Variants in TSPAN9 observed in about 807,000 individuals in gnomAD.
The protein encoded by TSPAN9 is tetraspanin 9.
Under a neutral mutation model 31.0 loss-of-function variants are expected in TSPAN9, and 16 were observed. The observed-to-expected ratio is 0.52, with a 90% CI of 0.35 to 0.78. The LOEUF (loss-of-function observed/expected upper bound fraction) is 0.78. Among genes scored for constraint, TSPAN9 ranks in the 30% least tolerant of loss-of-function variants. The pLI, the probability that TSPAN9 is intolerant of heterozygous loss-of-function variation, is 0.01. For missense variants in TSPAN9, 272 were observed against 312.5 expected, an observed-to-expected ratio of 0.87 and a Z score of 0.98; for synonymous variants, 145 against 121.6, an observed-to-expected ratio of 1.19 and a Z score of -1.27.
chr12:3,137,037 C>T (rs1565588874), intron 2 of TSPAN9, among the ~76,000 whole-genome samples: 2 of 152,212 alleles, frequency 1.3e-5, no homozygotes, highest in Non-Finnish European at 2.9e-5. Context: ...GTGGAGCTAC[C>T]ACTGCTACTC....
intron 2 of TSPAN9, among the ~76,000 whole-genome samples, chr12:3,155,557 C>T (rs553098005): frequency 2.0e-4 from 31 of 151,836 alleles, no homozygotes; most frequent in Non-Finnish European, 3.1e-4. Context: ...CATGATTATG[C>T]CACTGTGGCC....
At chr12:3,154,010 ATGTGTGTGTGTG>A (rs56928697) in intron 2 of TSPAN9, among the ~76,000 whole-genome samples, 7 of 147,976 alleles carry the variant, frequency 4.7e-5, no homozygotes, top group African/African-American at 7.5e-5. Context: ...TTATATATAT[ATGTGTGTGTGTG>A]TGTGTGTGTG....
intron 2 of TSPAN9, among the ~76,000 whole-genome samples, chr12:3,184,614 C>A (rs1231157846): frequency 6.6e-6 from 1 of 152,132 alleles, no homozygotes; most frequent in Non-Finnish European, 1.5e-5. Context: ...GTCTGGATTT[C>A]CTTCCTCTTT....
At chr12:3,221,772 C>T (rs1269058124) in intron 3 of TSPAN9, among the ~76,000 whole-genome samples, 1 of 152,218 alleles carries the variant, frequency 6.6e-6, no homozygotes, top group Non-Finnish European at 1.5e-5. Flanking sequence ...ACTCCTGCCT[C>T]AGTCTCCTAA....
At chr12:3,197,155 G>A (rs985570541) in intron 2 of TSPAN9, among the ~76,000 whole-genome samples, 1 of 152,192 alleles carries the variant, frequency 6.6e-6, no homozygotes, top group Admixed American at 6.5e-5. Flanking sequence ...GCTCAGAAAA[G>A]CAAACTGCCT....
At chr12:3,275,800 C>G (rs1862773909) in intron 3 of TSPAN9, among the ~76,000 whole-genome samples, 1 of 152,252 alleles carries the variant, frequency 6.6e-6, no homozygotes, top group Non-Finnish European at 1.5e-5. Context: ...GTGAAGGACC[C>G]AGGCAGCTGC....
At chr12:3,228,995 G>A (rs1332582394) in intron 3 of TSPAN9, among the ~76,000 whole-genome samples, 1 of 152,154 alleles carries the variant, frequency 6.6e-6, no homozygotes, top group African/African-American at 2.4e-5. Flanking sequence ...TCTCTCATAA[G>A]GATGTTCCTG....
chr12:3,084,830 C>T (rs527712924), intron 2 of TSPAN9, among the ~76,000 whole-genome samples: 71 of 152,362 alleles, frequency 4.7e-4, no homozygotes, highest in African/African-American at 1.6e-3. Context: ...TATGACCCTG[C>T]AGCGCCTGCC....
chr12:3,254,568 CTGA>C (rs929826735), intron 3 of TSPAN9, among the ~76,000 whole-genome samples: 13 of 152,154 alleles, frequency 8.5e-5, no homozygotes, highest in African/African-American at 2.7e-4. Flanking sequence ...CTTGTCCGTT[CTGA>C]TGATGATGAT....
chr12:3,182,376 A>C (rs1404128486), intron 2 of TSPAN9, among the ~76,000 whole-genome samples: 1 of 151,904 alleles, frequency 6.6e-6, no homozygotes, highest in Non-Finnish European at 1.5e-5. Flanking sequence ...TGGGGCCCAC[A>C]GCCTCCTCTG....
intron 2 of TSPAN9, among the ~76,000 whole-genome samples, chr12:3,104,697 C>T (rs1002574656): frequency 3.9e-5 from 6 of 152,106 alleles, no homozygotes; most frequent in South Asian, 2.1e-4. Context: ...GTGCCTGGCT[C>T]GGTGCAGACT....
chr12:3,159,719 A>G lies in TSPAN9; in HGVS notation c.-17-41458A>G, dbSNP rs1322443557. On this transcript the variant is annotated intron_variant, in intron 2 of 8. Coordinates refer to ENST00000011898, the MANE Select transcript of TSPAN9 (RefSeq NM_006675.5). ...CCTCATCTCAATTAAGAAACTGTAT[A>G]TATAGAGAGAGGATATTAAGATAGA... Among the ~76,000 whole-genome samples the G allele has an allele frequency of 3.9e-5, 6 of 152,184 alleles. 1 individual carries two copies. In the South Asian group the frequency reaches 6.2e-4, roughly 16 times the overall value.
chr12:3,248,007 C>T (rs1488653256), intron 3 of TSPAN9, among the ~76,000 whole-genome samples: 3 of 152,218 alleles, frequency 2.0e-5, no homozygotes, highest in Admixed American at 1.3e-4. Flanking sequence ...GCATCTTAAT[C>T]AAATGACAGA....
In TSPAN9 at chr12:3,083,734, G is replaced by C. The variant is rs559159067; in HGVS notation, c.-18+15G>C. 5 of 152,316 alleles carry C rather than the reference G, an allele frequency of 3.3e-5. No individual in the cohort carries two copies. The East Asian group carries it at 9.7e-4, about 29-fold the overall frequency. The allele number at this position is 152,316 out of a possible 1,614,324, so 9.4% of individuals were successfully genotyped here. A position where few individuals can be genotyped will look rare whatever the true frequency, so the allele number is the denominator to read the frequency against. On this transcript the variant is annotated intron_variant, in intron 2 of 8. Coordinates refer to ENST00000011898, the MANE Select transcript of TSPAN9 (RefSeq NM_006675.5). ...AGAGAGAACAGGTCAGTGTTGGTCCGGGTCCATTGTGGGGTAGGGCCTCTG... is the reference window on the plus strand; with the variant it reads ...AGAGAGAACAGGTCAGTGTTGGTCCCGGTCCATTGTGGGGTAGGGCCTCTG...
rs2098295584 is a variant in TSPAN9 at position 3,077,408 on chromosome 12, T to TGCCGGA, written c.-127_-122dup. ...CCGCTGGCGGCGGCGGCGGCGGCGGTGCCGGAGCGCGAGCAGAGCGGAGAC... is the reference window on the plus strand; with the variant it reads ...CCGCTGGCGGCGGCGGCGGCGGCGGTGCCGGAGCCGGAGCGCGAGCAGAGCGGAGAC... On this transcript the variant is annotated 5_prime_UTR_variant, in exon 1 of 9. Coordinates refer to ENST00000011898, the MANE Select transcript of TSPAN9 (RefSeq NM_006675.5). The TGCCGGA allele has an allele frequency of 7.0e-6, 1 of 142,558 alleles. No homozygotes were observed. Among genetic ancestry groups the TGCCGGA allele is most frequent in the Non-Finnish European group, 1.5e-5 (1 of 65,176 alleles). 8.8% of individuals were successfully genotyped at this position (142,558 alleles called of 1,614,324 possible).
At chr12:3,118,037 T>C (rs6489439) in intron 2 of TSPAN9, among the ~76,000 whole-genome samples, 48,327 of 151,800 alleles carry the variant, frequency 0.32, 7,911 homozygotes, top group Middle Eastern at 0.45. Context: ...CCTGCCACTC[T>C]CCAGTTATGT....
intron 2 of TSPAN9, among the ~76,000 whole-genome samples, chr12:3,117,924 G>C (rs2098323175): frequency 6.6e-6 from 1 of 152,114 alleles, no homozygotes; most frequent in Non-Finnish European, 1.5e-5. Flanking sequence ...TGTCACCTCA[G>C]GGCTGGGAGG....
chr12:3,257,411 G>GA (rs536330590), intron 3 of TSPAN9, among the ~76,000 whole-genome samples: 254 of 151,990 alleles, frequency 1.7e-3, no homozygotes, highest in African/African-American at 5.5e-3. Flanking sequence ...GGGTTTCTTG[G>GA]AACCTCTTCT....
intron 2 of TSPAN9, among the ~76,000 whole-genome samples, chr12:3,156,728 G>A (rs956308921): frequency 5.3e-5 from 8 of 152,180 alleles, no homozygotes; most frequent in African/African-American, 1.7e-4. Flanking sequence ...GGCTGGTCAC[G>A]AGCTGCTGAC....
Sources: gnomAD v4.1 joint callset for allele counts (sites outside exome capture counted in the v4.1 genomes callset) on GRCh38, gnomAD v4.1.1 for gene constraint, MANE v1.5 for transcripts, NCBI Gene and HGNC (gene_info 2026-07-23, HGNC 2026-07-21) for gene names.